SGMS2: variants seen among roughly 807,000 people sequenced by gnomAD.
SGMS2 encodes sphingomyelin synthase 2.
In SGMS2, 21 loss-of-function variants were observed where a neutral mutation model predicts 43.8. That is an observed-to-expected ratio of 0.48 (90% CI 0.34 to 0.69). The LOEUF (loss-of-function observed/expected upper bound fraction) is 0.69, where lower values mean the gene tolerates loss of function less well. SGMS2 is among the 30% of genes least tolerant of loss of function. The probability of loss-of-function intolerance (pLI) is 0.01; values close to 1 mark genes in which losing one functional copy is unlikely to be tolerated. For missense variants in SGMS2, 384 were observed against 443.2 expected (o/e 0.87, Z 1.20); for synonymous variants, 167 against 160.6 (o/e 1.04, Z -0.30).
intron 2 of SGMS2, among the ~76,000 whole-genome samples, chr4:107,863,213 G>T (rs1270663714): frequency 6.6e-6 from 1 of 152,132 alleles, no homozygotes; most frequent in Non-Finnish European, 1.5e-5. Flanking sequence ...ACATAGCATG[G>T]TTCCAGGAGC....
In SGMS2 at chr4:107,911,598, A is replaced by C. The variant is rs1732128897; in HGVS notation, c.*1045A>C. 1 of 152,232 alleles carries C rather than the reference A, an allele frequency of 6.6e-6. No individual in the cohort carries two copies. The highest frequency in any genetic ancestry group is 1.5e-5 in the Non-Finnish European group (1 of 68,050). The allele number at this position is 152,232 out of a possible 1,614,324, so 9.4% of individuals were successfully genotyped here. On this transcript the variant is annotated 3_prime_UTR_variant, in exon 7 of 7. Transcript: ENST00000690982. ...TGGAAAAACCAAGATGGAACCTGAA[A>C]GTTAATGTATCCTTGCTTTTAGCAA...
chr4:107,908,703 G>C lies in SGMS2; in HGVS notation c.866G>C (p.Trp289Ser), dbSNP rs1323887431. ...TATTATATCACAACACGACTGTTTT[G>C]GTGGTACCATTCAATGGCCAATGAA... ...IAYYITTRLF[W>S]WYHSMANEKN... The change falls in exon 6 of 7, where the codon TGG becomes TCG. Residue 289 changes from tryptophan (W) to serine (S), a missense_variant. Transcript: ENST00000690982. 1 of 1,613,674 alleles carries C rather than the reference G, an allele frequency of 6.2e-7. No individual in the cohort carries two copies.
intron 2 of SGMS2, among the ~76,000 whole-genome samples, chr4:107,880,372 T>G (rs1396609462): frequency 6.6e-6 from 1 of 152,184 alleles, no homozygotes; most frequent in Non-Finnish European, 1.5e-5. Context: ...CATGGTAACT[T>G]TTTGGTAAGC....
chr4:107,908,828 G>T (rs1403917840), intron 6 of SGMS2, 97 bp downstream of exon 6: 1 of 1,061,910 alleles, frequency 9.4e-7, no homozygotes, highest in Non-Finnish European at 1.4e-6. Flanking sequence ...GGGGATAACC[G>T]ATGTTGCCAC....
In SGMS2 at chr4:107,857,704, T is replaced by C. The variant is rs533245452; in HGVS notation, c.-326-768T>C. 5.9e-5 allele frequency among the ~76,000 whole-genome samples: 9 copies of C among 152,270 alleles called. No individual in the cohort carries two copies. The South Asian group carries it at 1.9e-3, about 32-fold the overall frequency. ...AGGCAAATTTCAACTAAAAAATCCATTGAAAGACTGCAGCAACTGTATGTA... is the reference window on the plus strand; with the variant it reads ...AGGCAAATTTCAACTAAAAAATCCACTGAAAGACTGCAGCAACTGTATGTA... On this transcript the variant is annotated intron_variant, in intron 1 of 6. Transcript: ENST00000690982.
At chr4:107,884,286 C>G (rs1213347679) in intron 2 of SGMS2, among the ~76,000 whole-genome samples, 1 of 152,090 alleles carries the variant, frequency 6.6e-6, no homozygotes, top group Admixed American at 6.6e-5. Context: ...TATTGATTTT[C>G]CAGGATTATT....
chr4:107,909,449 C>T (rs1378246928), intron 6 of SGMS2, among the ~76,000 whole-genome samples: 1 of 152,136 alleles, frequency 6.6e-6, no homozygotes, highest in African/African-American at 2.4e-5. Flanking sequence ...AAATAAATAG[C>T]TTATGAATGA....
In SGMS2 at chr4:107,895,792, G is replaced by T; in HGVS notation, c.239G>T (p.Gly80Val). 10 of 1,613,950 alleles carry T rather than the reference G, an allele frequency of 6.2e-6. No individual in the cohort carries two copies. Among genetic ancestry groups the T allele is most frequent in the East Asian group, 2.2e-5 (1 of 44,854 alleles). ...TTTCCACTAGAGTGGTGGAAAACGG[G>T]CATTGCCTTCATATATGCAGTTTTC... ...NKFPLEWWKT[G>V]IAFIYAVFNL... Residue 80 changes from glycine to valine, a missense_variant, in exon 3 of 7, where the codon GGC becomes GTC. Physicochemically the swap from Gly to Val is moderately radical, Grantham distance 109 (BLOSUM62 -3). Transcript: ENST00000690982.
At chr4:107,833,792 G>A (rs1726022696) in intron 1 of SGMS2, among the ~76,000 whole-genome samples, 1 of 152,202 alleles carries the variant, frequency 6.6e-6, no homozygotes, top group Non-Finnish European at 1.5e-5. Flanking sequence ...TGGGTCATCT[G>A]GGTGAGCCCA....
At chr4:107,828,071 G>A (rs968670628) in intron 1 of SGMS2, among the ~76,000 whole-genome samples, 44 of 152,110 alleles carry the variant, frequency 2.9e-4, no homozygotes, top group African/African-American at 9.7e-4. Context: ...ATCCTTGTAT[G>A]AGTATTCCAA....
chr4:107,910,707 C>G lies in SGMS2; in HGVS notation c.*154C>G, dbSNP rs1578680332. 3.0e-6 allele frequency: 2 copies of G among 663,378 alleles called. No individual in the cohort carries two copies. The highest frequency in any genetic ancestry group is 5.5e-5 in the East Asian group (2 of 36,326). 41.1% of individuals were successfully genotyped at this position (663,378 alleles called of 1,614,324 possible). ...TTAGAAAGATGAACAAAGTATTGCC[C>G]TTTGACTGGTTTTCTTCTTCATCCT... On this transcript the variant is annotated 3_prime_UTR_variant, in exon 7 of 7. Transcript: ENST00000690982.
chr4:107,888,139 G>A (rs1262221612), intron 2 of SGMS2, among the ~76,000 whole-genome samples: 1 of 152,110 alleles, frequency 6.6e-6, no homozygotes, highest in Non-Finnish European at 1.5e-5. Context: ...TTCTGGCCCA[G>A]TGTCTTAGGA....
intron 2 of SGMS2, among the ~76,000 whole-genome samples, chr4:107,881,537 C>G (rs978702670): frequency 2.0e-5 from 3 of 151,990 alleles, no homozygotes; most frequent in African/African-American, 7.3e-5. Flanking sequence ...TACAGGCATA[C>G]AGTGTGTAAT....
chr4:107,889,931 C>T (rs1730065818), intron 2 of SGMS2, among the ~76,000 whole-genome samples: 1 of 152,176 alleles, frequency 6.6e-6, no homozygotes, highest in Non-Finnish European at 1.5e-5. Context: ...TTAACCAGAT[C>T]TCTGAGCCCT....
At chr4:107,828,206 T>A (rs1216705150) in intron 1 of SGMS2, among the ~76,000 whole-genome samples, 2 of 152,028 alleles carry the variant, frequency 1.3e-5, no homozygotes, top group East Asian at 3.9e-4. Context: ...TGCCCCCTCT[T>A]TATATTTTGC....
At position 107,912,714 on chromosome 4, in the gene SGMS2, A is replaced by ATG. The variant is rs1272021519; in HGVS notation, c.*2162_*2163insGT. 1 of 152,182 alleles carries ATG rather than the reference A, an allele frequency of 6.6e-6. No individual in the cohort carries two copies. Among genetic ancestry groups the ATG allele is most frequent in the East Asian group, 1.9e-4 (1 of 5,200 alleles). 9.4% of individuals were successfully genotyped at this position (152,182 alleles called of 1,614,324 possible). A position where few individuals can be genotyped will look rare whatever the true frequency, so the allele number is the denominator to read the frequency against. On this transcript the variant is annotated 3_prime_UTR_variant, in exon 7 of 7. Transcript: ENST00000690982. ...TAATAAAATAAAAAATTGTGCACCA[A>ATG]TTACTACAGATCCTTGAAACAGTAA...
rs893716733 is a variant in SGMS2, at chr4:107,914,706, C to G, written c.*4153C>G. ...ATGTAAATTTCAGAAGCTCTTTTTT[C>G]CTACCCACCAGTACCTTAATCATTG... On this transcript the variant is annotated 3_prime_UTR_variant, in exon 7 of 7. Transcript: ENST00000690982. 1 of 151,918 alleles carries G rather than the reference C, an allele frequency of 6.6e-6. No individual in the cohort carries two copies. Among genetic ancestry groups the G allele is most frequent in the African/African-American group, 2.4e-5 (1 of 41,390 alleles). The allele number at this position is 151,918 out of a possible 1,614,324, so 9.4% of individuals were successfully genotyped here. A position where few individuals can be genotyped will look rare whatever the true frequency, so the allele number is the denominator to read the frequency against.
intron 2 of SGMS2, chr4:107,868,018 G>A (rs1560648275): frequency 1.3e-5 from 2 of 152,006 alleles, no homozygotes; most frequent in African/African-American, 4.8e-5. Flanking sequence ...TATATTTTTG[G>A]CAGAGGAAAT....
At chr4:107,859,551 G>A (rs528410009) in intron 2 of SGMS2, among the ~76,000 whole-genome samples, 1 of 152,190 alleles carries the variant, frequency 6.6e-6, no homozygotes, top group South Asian at 2.1e-4. Context: ...TTTGTCTGGT[G>A]GTGTCTGTCT....
Sources: allele counts gnomAD v4.1 joint callset (sites outside exome capture counted in the v4.1 genomes callset), GRCh38; gene constraint gnomAD v4.1.1; transcripts MANE v1.5; gene names NCBI Gene and HGNC (gene_info 2026-07-23, HGNC 2026-07-21).